The following MGAT4B variants were observed in gnomAD, a reference collection of about 807,000 sequenced individuals.
MGAT4B encodes N-acetylglucosaminyltransferase IVb.
A neutral mutation model predicts 73.9 loss-of-function variants in MGAT4B; 38 were observed. The observed-to-expected ratio is 0.51, with a 90% CI of 0.40 to 0.67. The LOEUF (loss-of-function observed/expected upper bound fraction) is 0.67. Among genes scored for constraint, MGAT4B ranks in the 30% least tolerant of loss-of-function variants. The probability of loss-of-function intolerance (pLI) is 0.00; values close to 1 mark genes in which losing one functional copy is unlikely to be tolerated. For missense variants in MGAT4B, 686 were observed against 735.2 expected (o/e 0.93, Z 0.77); for synonymous variants, 373 against 313.5 (o/e 1.19, Z -2.01).
rs538320128 is a variant in MGAT4B at position 179,804,293 on chromosome 5, TGTGTGGCAG to T, written c.97+2185_97+2193del. Among the ~76,000 whole-genome samples the T allele has an allele frequency of 8.4e-4, 128 of 152,326 alleles. 1 individual carries two copies. The highest frequency in any genetic ancestry group is 3.4e-3 in the Middle Eastern group (1 of 294). On this transcript the variant is annotated intron_variant, in intron 1 of 14. Transcript: ENST00000292591. Reference sequence around the variant, plus strand: ...TAACGGTCTGCTGTCACCATGCATGTGTGTGGCAGGTGTCTGCCTCCTCTCCAGACCCTG... The same window carrying T: ...TAACGGTCTGCTGTCACCATGCATGTGTGTCTGCCTCCTCTCCAGACCCTG...
chr5:179,800,624 A>G (rs1756875516), intron 5 of MGAT4B, 27 bp from the exon 6 acceptor site: 1 of 1,501,526 alleles, frequency 6.7e-7, no homozygotes, highest in African/African-American at 1.4e-5. Context: ...CCTAGTCCGT[A>G]TGCAGCCTCC....
In MGAT4B at chr5:179,799,993, C is replaced by T; in HGVS notation, c.871G>A (p.Asp291Asn). 6.2e-7 allele frequency: 1 copy of T among 1,613,996 alleles called. No homozygotes were observed. Residue 291 changes from aspartate (D) to asparagine (N), a missense_variant, in exon 8 of 15, where the codon GAC (aspartate) becomes AAC (asparagine). Asp to Asn is a conservative substitution (Grantham distance 23). Transcript: ENST00000292591. ...KNFALQQPSE[D>N]WMILEFSQLG... The stretch of plus-strand genomic sequence containing the variant: ...TGGGAGAACTCCAGGATCATCCAGT[C>T]CTCTGAAGGCTGCTGCAGTGCAAAG...
chr5:179,798,720 C>G, intron 11 of MGAT4B, 129 bp from the exon 12 acceptor site: 1 of 1,161,388 alleles, frequency 8.6e-7, no homozygotes, highest in Non-Finnish European at 1.2e-6. Flanking sequence ...TGCAAAGAGA[C>G]CAGGGCCTTC....
chr5:179,805,576 G>C (rs1467101867), intron 1 of MGAT4B, among the ~76,000 whole-genome samples: 1 of 152,258 alleles, frequency 6.6e-6, no homozygotes, highest in Admixed American at 6.5e-5. Context: ...GGTAGATGGA[G>C]CTCGGAGGGT....
At chr5:179,800,829 G>C in intron 5 of MGAT4B, 78 bp downstream of exon 5, 4 of 1,495,306 alleles carry the variant, frequency 2.7e-6, no homozygotes, top group Non-Finnish European at 3.7e-6. Context: ...CTATCTCATG[G>C]GGAGGCAGGA....
In MGAT4B at chr5:179,806,620, G is replaced by A; in HGVS notation, c.-37C>T. Reference sequence around the variant, plus strand: ...CGCGGCGGGCGCCCGCGGGGCCGAGGCTGCATGGCCCGGGGGACCGGGGCC... The same window carrying A: ...CGCGGCGGGCGCCCGCGGGGCCGAGACTGCATGGCCCGGGGGACCGGGGCC... On this transcript the variant is annotated 5_prime_UTR_variant, in exon 1 of 15. Transcript: ENST00000292591. This position sits in a 1 kb window ranked among gnomAD's most constrained non-coding sequence, Gnocchi z 4.6. 2 of 1,150,314 alleles carry A rather than the reference G, an allele frequency of 1.7e-6. No individual in the cohort carries two copies. The highest frequency in any genetic ancestry group is 2.2e-6 in the Non-Finnish European group (2 of 900,860). The allele number at this position is 1,150,314 out of a possible 1,614,324, so 71.3% of individuals were successfully genotyped here.
chr5:179,800,689 C>G, intron 5 of MGAT4B, 92 bp from the exon 6 acceptor site: 1 of 1,115,794 alleles, frequency 9.0e-7, no homozygotes. Flanking sequence ...GAGGCTCACC[C>G]AGTGCCAGCC....
Position 179,802,226 on chromosome 5 carries a change from G to C in MGAT4B, c.98-257C>G, listed in dbSNP as rs186115526. On this transcript the variant is annotated intron_variant, in intron 1 of 14. Transcript: ENST00000292591. ...GGGGGTTATTTTATCCTCTGAGAAG[G>C]CATCTGAAGTGGAAATACGATTTCC... is the stretch of plus-strand genomic sequence containing the variant. 2.4e-3 allele frequency: 3,424 copies of C among 1,448,728 alleles called. 7 individuals carry two copies. Among genetic ancestry groups the C allele is most frequent in the Non-Finnish European group, 2.8e-3 (3,125 of 1,106,456 alleles). The allele number at this position is 1,448,728 out of a possible 1,614,324, so 89.7% of individuals were successfully genotyped here.
Position 179,801,287 on chromosome 5 carries a change from G to T in MGAT4B, c.558+47C>A, listed in dbSNP as rs748605790. On this transcript the variant is annotated intron_variant, in intron 4 of 14. Coordinates refer to ENST00000292591, the MANE Select transcript of MGAT4B (RefSeq NM_014275.5). This position sits in a 1 kb window ranked among gnomAD's most constrained non-coding sequence, Gnocchi z 4.8. Reference sequence around the variant, plus strand: ...GTTCCTGCTGTCAGTTCTGCACCGCGGGGGCTCCTCTGAATGTCCCCCAAC... The same window carrying T: ...GTTCCTGCTGTCAGTTCTGCACCGCTGGGGCTCCTCTGAATGTCCCCCAAC... 7 of 1,573,218 alleles carry T rather than the reference G, an allele frequency of 4.4e-6. No homozygotes were observed. The highest frequency in any genetic ancestry group is 6.1e-6 in the Non-Finnish European group (7 of 1,155,844).
At position 179,801,406 on chromosome 5, in the gene MGAT4B, A is replaced by T; in HGVS notation, c.486T>A (p.Thr162=). The change falls in exon 4 of 15, where the codon ACT becomes ACA. Residue 162 remains threonine, a synonymous_variant. Coordinates refer to ENST00000292591, the MANE Select transcript of MGAT4B (RefSeq NM_014275.5). This position sits in a 1 kb window ranked among gnomAD's most constrained non-coding sequence, Gnocchi z 4.8. The part of the protein sequence containing the change: ...RREVHSYLTD[T]LHSLISELSP... Reference sequence around the variant, plus strand: ...TCAGCTCGGAGATGAGCGAGTGCAGAGTGTCAGTCAGGTACGAGTGCACCT... The same window carrying T: ...TCAGCTCGGAGATGAGCGAGTGCAGTGTGTCAGTCAGGTACGAGTGCACCT... 6.2e-7 allele frequency: 1 copy of T among 1,612,488 alleles called. No individual in the cohort carries two copies. Among genetic ancestry groups the T allele is most frequent in the South Asian group, 1.1e-5 (1 of 91,058 alleles).
At chr5:179,802,944 A>C (rs938736436) in intron 1 of MGAT4B, 2 of 985,268 alleles carry the variant, frequency 2.0e-6, no homozygotes, top group African/African-American at 3.5e-5. Flanking sequence ...AACTCCCTCT[A>C]CACTCAGGCA....
At chr5:179,802,836 G>A (rs1757005432) in intron 1 of MGAT4B, 8 of 985,540 alleles carry the variant, frequency 8.1e-6, no homozygotes, top group Non-Finnish European at 8.4e-6. Flanking sequence ...AGTCCACGCA[G>A]CAGGACGCTC....
At chr5:179,800,432 G>T in intron 6 of MGAT4B, 52 bp downstream of exon 6, 1 of 1,447,982 alleles carries the variant, frequency 6.9e-7, no homozygotes, top group Non-Finnish European at 9.6e-7. Context: ...CAGTAGATGG[G>T]TTCTCAGCAC....
At chr5:179,805,837 G>C (rs1361266475) in intron 1 of MGAT4B, among the ~76,000 whole-genome samples, 1 of 152,086 alleles carries the variant, frequency 6.6e-6, no homozygotes, top group Admixed American at 6.5e-5. Flanking sequence ...CGGCGCGGGG[G>C]GATCGGCCCG....
rs17854722 is a variant in MGAT4B at position 179,798,386 on chromosome 5, G to A, written c.1471C>T (p.Leu491Phe). The change falls in exon 13 of 15, where the codon CTC (leucine) becomes TTC (phenylalanine). Residue 491 changes from leucine to phenylalanine, a missense_variant. Physicochemically the swap from Leu to Phe is conservative, Grantham distance 22. Around this residue, in one of 2 missense-constraint regions of MGAT4B, gnomAD observed 449 missense variants for 536.8 expected, o/e 0.84. Coordinates refer to ENST00000292591, the MANE Select transcript of MGAT4B (RefSeq NM_014275.5). ...EALQEGRTAT[L>F]RYPRSPDGYL... The stretch of plus-strand genomic sequence containing the variant: ...CCGTCGGGGCTCCGAGGGTACCGGA[G>A]GGTGGCGGTGCGGCCCTCCTGCAGG... The A allele has an allele frequency of 1.7e-3, 2,811 of 1,612,900 alleles. 31 individuals carry two copies. The African/African-American group carries it at 0.027, about 15-fold the overall frequency.
At chr5:179,798,707 C>T (rs1756766373) in intron 11 of MGAT4B, 116 bp from the exon 12 acceptor site, 3 of 1,262,764 alleles carry the variant, frequency 2.4e-6, no homozygotes, top group Admixed American at 2.0e-5. Context: ...AGCTGTCAGG[C>T]TGTGCAAAGA....
At position 179,798,614 on chromosome 5, in the gene MGAT4B, G is replaced by A. The variant is rs375330447; in HGVS notation, c.1344-23C>T. On this transcript the variant is annotated intron_variant, in intron 11 of 14. Coordinates refer to ENST00000292591, the MANE Select transcript of MGAT4B (RefSeq NM_014275.5). ...AACCTGCAGCCAGGCAGGCCTGTGA[G>A]CTGCTGCAGGGGCAGCGTTCCAGCA... The A allele has an allele frequency of 2.5e-6, 4 of 1,612,176 alleles. No individual in the cohort carries two copies. The African/African-American group carries it at 5.3e-5, about 22-fold the overall frequency.
At position 179,800,273 on chromosome 5, in the gene MGAT4B, C is replaced by T. The variant is rs376275938; in HGVS notation, c.720-14G>A. On this transcript the variant is annotated splice_polypyrimidine_tract_variant and intron_variant, in intron 6 of 14. Transcript: ENST00000292591. ...TTGGTCCTCCACCTGTGGGCCGGGG[C>T]GGGGCCTCAGAAGTTCAGACCCCTC... The T allele has an allele frequency of 1.8e-5, 29 of 1,612,886 alleles. No homozygotes were observed. Among genetic ancestry groups the T allele is most frequent in the South Asian group, 4.4e-5 (4 of 91,086 alleles).
In MGAT4B at chr5:179,801,345, GCAC is replaced by G; in HGVS notation, c.544_546del (p.Val182del). 1 of 1,611,446 alleles carries G rather than the reference GCAC, an allele frequency of 6.2e-7. No homozygotes were observed. The highest frequency in any genetic ancestry group is 8.5e-7 in the Non-Finnish European group (1 of 1,178,812). Reference sequence around the variant, plus strand: ...CCCGGCTCACTCGCCTCGGCGATCAGCACCACGATGACCGAGTCCTCCTTCTCC... The same window carrying G: ...CCCGGCTCACTCGCCTCGGCGATCAGCACGATGACCGAGTCCTCCTTCTCC... On this transcript the variant is annotated inframe_deletion, in exon 4 of 15. Coordinates refer to ENST00000292591, the MANE Select transcript of MGAT4B (RefSeq NM_014275.5). The surrounding 1 kb of genome is among the most constrained non-coding windows in gnomAD (Gnocchi z 4.8).
Sources: allele counts gnomAD v4.1 joint callset (sites outside exome capture counted in the v4.1 genomes callset), GRCh38; gene constraint gnomAD v4.1.1; regional missense constraint gnomAD v4.1.1; non-coding constraint Gnocchi (gnomAD v3.1); transcripts MANE v1.5; gene names NCBI Gene and HGNC (gene_info 2026-07-23, HGNC 2026-07-21).